Variants in ICA1L observed in about 807,000 individuals in gnomAD.
The protein encoded by ICA1L is islet cell autoantigen 1 like.
ICA1L carries 50 observed loss-of-function variants against 61.3 expected under a neutral mutation model. That is an observed-to-expected ratio of 0.82 (90% CI 0.65 to 1.03). The LOEUF is 1.03. Ranked by LOEUF, ICA1L falls within the 50% of genes least tolerant of loss-of-function variation. The probability of loss-of-function intolerance (pLI) is 0.00; values close to 1 mark genes in which losing one functional copy is unlikely to be tolerated. For synonymous variants in ICA1L, 161 were observed against 191.3 expected (o/e 0.84, Z 1.31); for missense variants, 508 against 556.7 (o/e 0.91, Z 0.88).
intron 11 of ICA1L, chr2:202,786,752 ATTTT>A (rs57934594): frequency 4.7e-6 from 2 of 424,162 alleles, no homozygotes; most frequent in Non-Finnish European, 9.3e-6. Context: ...TACATGCATG[ATTTT>A]TTTTTTTTTG....
intron 1 of ICA1L, among the ~76,000 whole-genome samples, chr2:202,860,833 T>A (rs1027451472): frequency 6.6e-6 from 1 of 152,192 alleles, no homozygotes; most frequent in Non-Finnish European, 1.5e-5. Flanking sequence ...ATATACTGCA[T>A]AAACATTAAC....
chr2:202,806,940 G>T (rs1019196478), intron 9 of ICA1L, among the ~76,000 whole-genome samples: 1 of 152,110 alleles, frequency 6.6e-6, no homozygotes, highest in African/African-American at 2.4e-5. Context: ...ATTTTTTAAA[G>T]ATAACACAAA....
intron 9 of ICA1L, among the ~76,000 whole-genome samples, chr2:202,803,242 T>C (rs964329433): frequency 2.6e-5 from 4 of 151,502 alleles, no homozygotes; most frequent in Non-Finnish European, 5.9e-5. Flanking sequence ...ACCCCATCAC[T>C]ACTAAAAAAT....
Position 202,828,927 on chromosome 2 carries a change from T to G in ICA1L, c.83A>C (p.Gln28Pro), listed in dbSNP as rs757492152. 1 of 1,613,528 alleles carries G rather than the reference T, an allele frequency of 6.2e-7. No homozygotes were observed. The highest frequency in any genetic ancestry group is 8.5e-7 in the Non-Finnish European group (1 of 1,179,790). ...TTTTCCTGTTGCTTTGATAAAGACC[T>G]GTTTAGTTTTCCAGTATTTCTTTTG... The part of the protein sequence containing the change: ...RMQKKYWKTK[Q>P]VFIKATGKKE... Residue 28 changes from glutamine to proline, a missense_variant, in exon 2 of 13, where the codon CAG becomes CCG. Transcript: ENST00000358299.
At chr2:202,841,146 G>T in intron 1 of ICA1L, 1 of 646,058 alleles carries the variant, frequency 1.5e-6, no homozygotes, top group South Asian at 1.6e-5. Context: ...TTCCAGGCAA[G>T]ACTCTAGCTC....
At chr2:202,803,819 C>G (rs903518320) in intron 9 of ICA1L, among the ~76,000 whole-genome samples, 1 of 152,074 alleles carries the variant, frequency 6.6e-6, no homozygotes, top group African/African-American at 2.4e-5. Flanking sequence ...TGTGCCACCA[C>G]GCCTGGCCCA....
chr2:202,841,064 G>T (rs1971819), intron 1 of ICA1L: 4 of 643,606 alleles, frequency 6.2e-6, no homozygotes, highest in Admixed American at 5.7e-5. Context: ...ATGTGTCCAA[G>T]ATCTGGGACT....
chr2:202,779,756 T>A, intron 12 of ICA1L, 108 bp from the exon 13 acceptor site: 1 of 631,342 alleles, frequency 1.6e-6, no homozygotes, highest in Non-Finnish European at 2.7e-6. Context: ...TAAGAAAAAA[T>A]TAAGATAACT....
chr2:202,823,878 C>T (rs1163077813), intron 3 of ICA1L, among the ~76,000 whole-genome samples: 2 of 152,160 alleles, frequency 1.3e-5, no homozygotes, highest in Non-Finnish European at 2.9e-5. Context: ...TCTCCAACTA[C>T]TTCCTTGGGA....
At chr2:202,845,466 A>T (rs1162654495) in intron 1 of ICA1L, among the ~76,000 whole-genome samples, 1 of 152,032 alleles carries the variant, frequency 6.6e-6, no homozygotes, top group Non-Finnish European at 1.5e-5. Flanking sequence ...GTTTCTACTA[A>T]AAATATACAA....
intron 9 of ICA1L, among the ~76,000 whole-genome samples, chr2:202,806,656 AAAAG>A (rs1693235402): frequency 6.6e-6 from 1 of 152,050 alleles, no homozygotes; most frequent in Non-Finnish European, 1.5e-5. Context: ...CAAAAAAAAA[AAAAG>A]AAGAAAAGGT....
intron 11 of ICA1L, chr2:202,786,551 G>A (rs956437709): frequency 5.1e-6 from 1 of 194,546 alleles, no homozygotes; most frequent in Non-Finnish European, 1.0e-5. Context: ...GCGAGACTCC[G>A]TCTCAAAAAA....
intron 1 of ICA1L, among the ~76,000 whole-genome samples, chr2:202,848,624 C>G (rs578000187): frequency 1.3e-5 from 2 of 152,146 alleles, no homozygotes; most frequent in Non-Finnish European, 2.9e-5. Context: ...AGTCTGCAGA[C>G]CCCTGATCTC....
intron 11 of ICA1L, among the ~76,000 whole-genome samples, chr2:202,788,076 T>C (rs982570848): frequency 4.6e-5 from 7 of 152,160 alleles, no homozygotes; most frequent in South Asian, 4.1e-4. Context: ...CAGTAGGAGA[T>C]AGGAGATATG....
chr2:202,788,846 C>A lies in ICA1L; in HGVS notation c.1227G>T (p.Val409=). The change falls in exon 11 of 13, where the codon GTG becomes GTT. Residue 409 remains valine, a synonymous_variant. Coordinates refer to ENST00000358299, the MANE Select transcript of ICA1L (RefSeq NM_001288622.3). ...PSQLFDLGFH[V]AGAFNNWVSQ... is the part of the protein sequence containing the mutation. ...GACACTTACTGTTGAACGCTCCAGC[C>A]ACATGAAAGCCAAGGTCAAAGAGTT... is the stretch of plus-strand genomic sequence containing the variant. 3 of 1,613,992 alleles carry A rather than the reference C, an allele frequency of 1.9e-6. 1 individual carries two copies. In the East Asian group the frequency reaches 6.7e-5, roughly 36 times the overall value.
rs748886073 is a variant in ICA1L, at chr2:202,779,648, GC to G, written c.1334-1del. The G allele has an allele frequency of 6.3e-7, 1 of 1,582,436 alleles. No individual in the cohort carries two copies. Among genetic ancestry groups the G allele is most frequent in the African/African-American group, 1.4e-5 (1 of 73,634 alleles). ...CATGTCTTGGTTGCCATTGTTGGGG[GC>G]TATTAAAAAAGAAAAAAAATACATT... On this transcript the variant is annotated splice_acceptor_variant, in intron 12 of 12. Transcript: ENST00000358299. LOFTEE classifies it high-confidence loss of function.
rs1692157056 is a variant in ICA1L at position 202,774,483 on chromosome 2, G to A, written c.*5050C>T. On this transcript the variant is annotated 3_prime_UTR_variant, in exon 13 of 13. Transcript: ENST00000358299. ...TTTTTCTTTCATGTTTTTTGTATGT[G>A]TTTTTTTAGGTTATGGTCAGTGAGG... 2.1e-6 allele frequency: 1 copy of A among 467,390 alleles called. No homozygotes were observed. The highest frequency in any genetic ancestry group is 2.1e-5 in the African/African-American group (1 of 47,348). The allele number at this position is 467,390 out of a possible 1,614,324, so 29.0% of individuals were successfully genotyped here. A position where few individuals can be genotyped will look rare whatever the true frequency, so the allele number is the denominator to read the frequency against.
chr2:202,813,258 C>CAA lies in ICA1L; in HGVS notation c.866+1442_866+1443dup, dbSNP rs34755589. 2.9e-3 allele frequency among the ~76,000 whole-genome samples: 345 copies of CAA among 120,252 alleles called. 1 individual carries two copies. The highest frequency in any genetic ancestry group is 0.012 in the Middle Eastern group (3 of 250). 78.9% of individuals were successfully genotyped at this position (120,252 alleles called of 152,430 possible). A position where few individuals can be genotyped will look rare whatever the true frequency, so the allele number is the denominator to read the frequency against. On this transcript the variant is annotated intron_variant, in intron 8 of 12. Coordinates refer to ENST00000358299, the MANE Select transcript of ICA1L (RefSeq NM_001288622.3). Reference sequence around the variant, plus strand: ...CTGGAGAAAAAGAGTGAGACTCTGTCAAAAAAAAAAAAAAAGTCAATATAT... The same window carrying CAA: ...CTGGAGAAAAAGAGTGAGACTCTGTCAAAAAAAAAAAAAAAAAGTCAATATAT...
intron 10 of ICA1L, among the ~76,000 whole-genome samples, chr2:202,793,352 T>C (rs1431322476): frequency 6.6e-6 from 1 of 151,546 alleles, no homozygotes; most frequent in East Asian, 1.9e-4. Context: ...GATGTTTTCA[T>C]AGGTTAAGAA....
Sources: gnomAD v4.1 joint callset for allele counts (sites outside exome capture counted in the v4.1 genomes callset) on GRCh38, gnomAD v4.1.1 for gene constraint, MANE v1.5 for transcripts, NCBI Gene and HGNC (gene_info 2026-07-23, HGNC 2026-07-21) for gene names.